The following CDH8 variants were observed in gnomAD, a reference collection of about 807,000 sequenced individuals.
The protein encoded by CDH8 is cadherin 8, also known as cadherin-8.
A neutral mutation model predicts 68.1 loss-of-function variants in CDH8; 17 were observed. That is an observed-to-expected ratio of 0.25 (90% CI 0.17 to 0.37). The LOEUF (loss-of-function observed/expected upper bound fraction) is 0.37. Ranked by LOEUF, CDH8 falls within the 10% of genes least tolerant of loss-of-function variation. The pLI is 1.00. For missense variants in CDH8, 763 were observed against 999.3 expected (o/e 0.76, Z 3.19); for synonymous variants, 372 against 365.1 (o/e 1.02, Z -0.21).
At chr16:61,956,072 A>G (rs1964982780) in intron 2 of CDH8, among the ~76,000 whole-genome samples, 1 of 152,160 alleles carries the variant, frequency 6.6e-6, no homozygotes, top group Non-Finnish European at 1.5e-5. Flanking sequence ...TTCAAATAAA[A>G]GGAAGAAAAT....
At chr16:61,931,429 G>A (rs1163957938) in intron 2 of CDH8, among the ~76,000 whole-genome samples, 1 of 152,138 alleles carries the variant, frequency 6.6e-6, no homozygotes, top group Non-Finnish European at 1.5e-5. Context: ...TTCCACCTCG[G>A]TTTCCCAAAG....
Position 61,960,038 on chromosome 16 carries a change from A to ATATAT in CDH8, c.253-58566_253-58565insATATA, listed in dbSNP as rs1430572344. Reference sequence around the variant, plus strand: ...TATACACACATACACACACACACACAACATATATGTATGTATGTGTGTGTG... The same window carrying ATATAT: ...TATACACACATACACACACACACACATATATACATATATGTATGTATGTGTGTGTG... On this transcript the variant is annotated intron_variant, in intron 2 of 11. Coordinates refer to ENST00000577390, the MANE Select transcript of CDH8 (RefSeq NM_001796.5). Among the ~76,000 whole-genome samples the ATATAT allele has an allele frequency of 1.7e-4, 18 of 103,068 alleles. 2 individuals are homozygous for ATATAT. The highest frequency in any genetic ancestry group is 3.5e-4 in the African/African-American group (8 of 22,542). 67.6% of individuals were successfully genotyped at this position (103,068 alleles called of 152,430 possible).
intron 4 of CDH8, among the ~76,000 whole-genome samples, chr16:61,846,940 C>T (rs547400962): frequency 5.3e-5 from 8 of 152,194 alleles, no homozygotes; most frequent in South Asian, 2.1e-4. Flanking sequence ...AACTTACAGG[C>T]GCATCTTTAT....
Position 61,905,435 on chromosome 16 carries a change from A to G in CDH8, c.253-3962T>C, listed in dbSNP as rs1964045428. Among the ~76,000 whole-genome samples the G allele has an allele frequency of 2.6e-5, 4 of 151,878 alleles. No homozygotes were observed. In the South Asian group the frequency reaches 8.3e-4, roughly 31 times the overall value. Reference sequence around the variant, plus strand: ...CTACATAGTAATATATTGTTAATATATGTAATTAATATATTTAATTATGGT... The same window carrying G: ...CTACATAGTAATATATTGTTAATATGTGTAATTAATATATTTAATTATGGT... On this transcript the variant is annotated intron_variant, in intron 2 of 11. Coordinates refer to ENST00000577390, the MANE Select transcript of CDH8 (RefSeq NM_001796.5).
chr16:61,659,391 AG>A (rs1479364487), intron 10 of CDH8, among the ~76,000 whole-genome samples: 1 of 152,156 alleles, frequency 6.6e-6, no homozygotes, highest in Non-Finnish European at 1.5e-5. Context: ...CCAAGAACAC[AG>A]GGGTCCCTCT....
At chr16:61,760,549 A>C (rs1960438215) in intron 8 of CDH8, among the ~76,000 whole-genome samples, 1 of 151,932 alleles carries the variant, frequency 6.6e-6, no homozygotes, top group Admixed American at 6.6e-5. Flanking sequence ...GTGACCTTAA[A>C]TGATTCTCCC....
chr16:61,900,750 G>A (rs1239860361), intron 3 of CDH8, among the ~76,000 whole-genome samples: 1 of 152,098 alleles, frequency 6.6e-6, no homozygotes, highest in Non-Finnish European at 1.5e-5. Context: ...ATATCTGGCT[G>A]ACTACAGACC....
chr16:61,676,276 G>A lies in CDH8; in HGVS notation c.1655-20555C>T, dbSNP rs185289965. Reference sequence around the variant, plus strand: ...GAAAATTCTAGTAATAAAAATGCTAGGGTGGTTATACTAATATCATAAGGA... The same window carrying A: ...GAAAATTCTAGTAATAAAAATGCTAAGGTGGTTATACTAATATCATAAGGA... On this transcript the variant is annotated intron_variant, in intron 10 of 11. Coordinates refer to ENST00000577390, the MANE Select transcript of CDH8 (RefSeq NM_001796.5). Among the ~76,000 whole-genome samples, 422 of 149,158 alleles carry A rather than the reference G, an allele frequency of 2.8e-3. 3 individuals carry two copies. The highest frequency in any genetic ancestry group is 1.0e-2 in the African/African-American group (407 of 40,812).
chr16:61,830,384 T>A (rs965019924), intron 4 of CDH8, among the ~76,000 whole-genome samples: 1 of 151,834 alleles, frequency 6.6e-6, no homozygotes, highest in Non-Finnish European at 1.5e-5. Context: ...GAACTGTGAA[T>A]GCTAAAAAGT....
intron 6 of CDH8, among the ~76,000 whole-genome samples, chr16:61,818,953 C>G (rs1163741375): frequency 2.1e-5 from 1 of 47,730 alleles, no homozygotes. Context: ...TTTTTTTTTT[C>G]AATATTTTCT....
At position 61,962,650 on chromosome 16, in the gene CDH8, G is replaced by A. The variant is rs565201540; in HGVS notation, c.252+58502C>T. The stretch of plus-strand genomic sequence containing the variant: ...TACTCCTTTCTGTTCAAAACTGAAC[G>A]TATGCTGTTCCTTCTGTTTTTGTAA... On this transcript the variant is annotated intron_variant, in intron 2 of 11. Transcript: ENST00000577390. Among the ~76,000 whole-genome samples the A allele has an allele frequency of 1.6e-4, 25 of 152,278 alleles. No individual in the cohort carries two copies. The South Asian group carries it at 3.1e-3, about 19-fold the overall frequency.
chr16:61,879,811 C>T (rs928558472), intron 3 of CDH8, among the ~76,000 whole-genome samples: 1 of 152,134 alleles, frequency 6.6e-6, no homozygotes, highest in African/African-American at 2.4e-5. Context: ...ACAAGTTTCA[C>T]CTACAGAGAC....
chr16:62,018,700 C>T (rs1033157072), intron 2 of CDH8, among the ~76,000 whole-genome samples: 9 of 152,164 alleles, frequency 5.9e-5, no homozygotes, highest in African/African-American at 1.9e-4. Context: ...AAAATAAACT[C>T]TGACTTAACA....
chr16:61,666,093 C>T (rs112580834), intron 10 of CDH8, among the ~76,000 whole-genome samples: 328 of 151,656 alleles, frequency 2.2e-3, no homozygotes, highest in Non-Finnish European at 3.4e-3. Context: ...TCCCTTTTTC[C>T]GGCATATCCA....
intron 8 of CDH8, among the ~76,000 whole-genome samples, chr16:61,775,167 C>T (rs952380579): frequency 4.6e-5 from 7 of 151,668 alleles, no homozygotes; most frequent in Admixed American, 6.6e-5. Context: ...AGTTAGAGAC[C>T]GGCCTGAGCA....
intron 2 of CDH8, among the ~76,000 whole-genome samples, chr16:61,963,913 G>A (rs1246764475): frequency 6.6e-6 from 1 of 152,124 alleles, no homozygotes; most frequent in African/African-American, 2.4e-5. Flanking sequence ...AGCAGCCAAT[G>A]GCAACACAAT....
intron 8 of CDH8, among the ~76,000 whole-genome samples, chr16:61,759,416 A>G (rs564539763): frequency 1.9e-4 from 29 of 152,012 alleles, no homozygotes; most frequent in African/African-American, 6.5e-4. Context: ...GAAGGAAAGT[A>G]ATAGTAGTAG....
At chr16:61,843,154 A>G (rs1962724934) in intron 4 of CDH8, among the ~76,000 whole-genome samples, 1 of 152,144 alleles carries the variant, frequency 6.6e-6, no homozygotes, top group African/African-American at 2.4e-5. Context: ...TAAGGCTGGT[A>G]TTTGTTTTGT....
intron 3 of CDH8, among the ~76,000 whole-genome samples, chr16:61,878,775 T>C (rs1295342387): frequency 6.6e-6 from 1 of 152,150 alleles, no homozygotes; most frequent in Admixed American, 6.6e-5. Flanking sequence ...TAAATAACAG[T>C]TAAAAATCAT....
Sources: allele counts gnomAD v4.1 joint callset (sites outside exome capture counted in the v4.1 genomes callset), GRCh38; gene constraint gnomAD v4.1.1; transcripts MANE v1.5; gene names NCBI Gene and HGNC (gene_info 2026-07-23, HGNC 2026-07-21).